MAPK8: variants seen among roughly 807,000 people sequenced by gnomAD.
MAPK8 encodes mitogen-activated protein kinase 8.
A neutral mutation model predicts 52.9 loss-of-function variants in MAPK8; 13 were observed. The observed-to-expected ratio is 0.25, with a 90% confidence interval of 0.16 to 0.39. The LOEUF is 0.39. Ranked by LOEUF, MAPK8 falls within the 10% of genes least tolerant of loss-of-function variation. The pLI, the probability that MAPK8 is intolerant of heterozygous loss-of-function variation, is 1.00. For missense variants in MAPK8, 300 were observed against 519.2 expected (o/e 0.58, Z 4.10); for synonymous variants, 191 against 169.8 (o/e 1.12, Z -0.97).
intron 1 of MAPK8, among the ~76,000 whole-genome samples, chr10:48,319,421 C>T (rs1184394430): frequency 6.6e-6 from 1 of 151,926 alleles, no homozygotes; most frequent in Non-Finnish European, 1.5e-5. Context: ...CACACACACC[C>T]CCTCCTCTCC....
intron 1 of MAPK8, among the ~76,000 whole-genome samples, chr10:48,348,796 A>G (rs969791954): frequency 2.6e-5 from 4 of 152,120 alleles, no homozygotes; most frequent in African/African-American, 9.7e-5. Context: ...GTAGCTTTGT[A>G]GTATAGTTTG....
At chr10:48,311,042 A>C (rs979865221) in intron 1 of MAPK8, among the ~76,000 whole-genome samples, 1 of 152,068 alleles carries the variant, frequency 6.6e-6, no homozygotes, top group African/African-American at 2.4e-5. Context: ...AGGTTATATA[A>C]CATATTTGGG....
At chr10:48,310,966 C>T (rs995763224) in intron 1 of MAPK8, among the ~76,000 whole-genome samples, 1 of 151,418 alleles carries the variant, frequency 6.6e-6, no homozygotes, top group Non-Finnish European at 1.5e-5. Context: ...TGATTGCTAG[C>T]GTGGGTTTTA....
intron 1 of MAPK8, among the ~76,000 whole-genome samples, chr10:48,339,000 C>T (rs1301710787): frequency 1.3e-5 from 2 of 152,066 alleles, no homozygotes; most frequent in East Asian, 1.9e-4. Context: ...GTTAAATGAC[C>T]ATACTGCCCA....
At chr10:48,310,683 C>T (rs1342141094) in intron 1 of MAPK8, among the ~76,000 whole-genome samples, 1 of 152,046 alleles carries the variant, frequency 6.6e-6, no homozygotes, top group African/African-American at 2.4e-5. Flanking sequence ...AAGCCCACTT[C>T]ACATCTCTGT....
intron 1 of MAPK8, among the ~76,000 whole-genome samples, chr10:48,374,486 G>A (rs1377633235): frequency 5.3e-5 from 8 of 151,890 alleles, no homozygotes; most frequent in Non-Finnish European, 1.0e-4. Flanking sequence ...AAAATAGACC[G>A]CTAGCCAGAC....
At chr10:48,373,681 A>G (rs1399291812) in intron 1 of MAPK8, among the ~76,000 whole-genome samples, 2 of 151,132 alleles carry the variant, frequency 1.3e-5, no homozygotes, top group Non-Finnish European at 2.9e-5. Context: ...TGGGAAAGAG[A>G]TGAATGAAAC....
chr10:48,311,555 C>T (rs1008529730), intron 1 of MAPK8, among the ~76,000 whole-genome samples: 1 of 152,136 alleles, frequency 6.6e-6, no homozygotes, highest in Non-Finnish European at 1.5e-5. Context: ...AATTTAGGAG[C>T]TACGAATAGC....
At chr10:48,368,742 A>G (rs887257821) in intron 1 of MAPK8, among the ~76,000 whole-genome samples, 1 of 152,238 alleles carries the variant, frequency 6.6e-6, no homozygotes, top group Admixed American at 6.5e-5. Context: ...AAAGACAAAG[A>G]AAGTGACCCA....
chr10:48,338,592 A>G (rs530847346), intron 1 of MAPK8, among the ~76,000 whole-genome samples: 1 of 152,226 alleles, frequency 6.6e-6, no homozygotes, highest in African/African-American at 2.4e-5. Context: ...CAATCAGACA[A>G]AAGAAATAAA....
At chr10:48,416,292 G>T (rs555425385) in intron 5 of MAPK8, among the ~76,000 whole-genome samples, 1 of 152,292 alleles carries the variant, frequency 6.6e-6, no homozygotes, top group Non-Finnish European at 1.5e-5. Context: ...GTGCATGGAT[G>T]GCTCTTCTTT....
intron 1 of MAPK8, among the ~76,000 whole-genome samples, chr10:48,379,298 G>A (rs1181414610): frequency 3.9e-5 from 6 of 152,152 alleles, no homozygotes; most frequent in Non-Finnish European, 7.3e-5. Context: ...CAACTTATTA[G>A]GTCAAGTCTT....
At position 48,312,912 on chromosome 10, in the gene MAPK8, G is replaced by A. The variant is rs72792268; in HGVS notation, c.-50+6091G>A. 5.8e-3 allele frequency among the ~76,000 whole-genome samples: 878 copies of A among 152,252 alleles called. 4 individuals carry two copies. The highest frequency in any genetic ancestry group is 9.5e-3 in the Admixed American group (145 of 15,296). The stretch of plus-strand genomic sequence containing the variant: ...CTTTTCTACTCTGTGTAGCCACCTA[G>A]TTCTTCTGCCTGGAAACTGTTAAAA... On this transcript the variant is annotated intron_variant, in intron 1 of 11. Transcript: ENST00000374189.
At chr10:48,426,740 G>C in intron 9 of MAPK8, 1 of 507,336 alleles carries the variant, frequency 2.0e-6, no homozygotes, top group East Asian at 3.7e-5. Flanking sequence ...TACCTAACCA[G>C]AGAACTAGGA....
intron 1 of MAPK8, among the ~76,000 whole-genome samples, chr10:48,335,766 C>T (rs1213962912): frequency 6.6e-6 from 1 of 152,188 alleles, no homozygotes; most frequent in East Asian, 1.9e-4. Flanking sequence ...ATGTATACTT[C>T]CCATTTCATC....
chr10:48,431,592 C>T (rs2044270080), intron 11 of MAPK8, among the ~76,000 whole-genome samples: 1 of 152,130 alleles, frequency 6.6e-6, no homozygotes, highest in Admixed American at 6.5e-5. Context: ...ATGATCTTGA[C>T]AGTCTTTACT....
In MAPK8 at chr10:48,413,293, T is replaced by C. The variant is rs78530949; in HGVS notation, c.450+3125T>C. Among the ~76,000 whole-genome samples the C allele has an allele frequency of 4.6e-3, 706 of 152,316 alleles. 9 individuals are homozygous for C. Among genetic ancestry groups the C allele is most frequent in the South Asian group, 0.028 (137 of 4,828 alleles). ...TTTGAGACCCTACTTTTCAGTTCAT[T>C]TGGGCTACAGCCAGAAGTGGAATTG... On this transcript the variant is annotated intron_variant, in intron 5 of 11. Coordinates refer to ENST00000374189, the MANE Select transcript of MAPK8 (RefSeq NM_001323329.2).
chr10:48,386,251 A>T (rs2041303964), intron 1 of MAPK8, among the ~76,000 whole-genome samples: 1 of 152,072 alleles, frequency 6.6e-6, no homozygotes, highest in East Asian at 1.9e-4. Flanking sequence ...TATGTAACCA[A>T]TTTTTTTGGA....
intron 10 of MAPK8, among the ~76,000 whole-genome samples, chr10:48,427,758 C>G (rs1163837358): frequency 6.6e-6 from 1 of 152,222 alleles, no homozygotes. Context: ...TCCCAAAGTG[C>G]TGGGATTATA....
Sources: allele counts gnomAD v4.1 joint callset (sites outside exome capture counted in the v4.1 genomes callset), GRCh38; gene constraint gnomAD v4.1.1; transcripts MANE v1.5; gene names NCBI Gene and HGNC (gene_info 2026-07-23, HGNC 2026-07-21).